SLC17A1: variants seen among roughly 807,000 people sequenced by gnomAD.
SLC17A1 encodes the protein solute carrier family 17 member 1, also known as sodium-dependent phosphate transport protein 1.
Under a neutral mutation model 53.5 loss-of-function variants are expected in SLC17A1, and 51 were observed. The ratio of observed to expected loss-of-function variants is 0.95; its 90% CI spans 0.76 to 1.20. The LOEUF (loss-of-function observed/expected upper bound fraction) is 1.20. SLC17A1 is among the 50% of genes most tolerant of loss of function. The pLI is 0.00. For missense variants in SLC17A1, 538 were observed against 568.2 expected (o/e 0.95, Z 0.54); for synonymous variants, 179 against 198.8 (o/e 0.90, Z 0.84).
At chr6:25,814,888 C>T (rs539789641) in intron 6 of SLC17A1, among the ~76,000 whole-genome samples, 5 of 151,680 alleles carry the variant, frequency 3.3e-5, no homozygotes, top group Admixed American at 2.0e-4. Flanking sequence ...CAGGGGGTTG[C>T]GGCAGGAGAA....
chr6:25,741,441 G>A, the SLC17A1 span, among the ~76,000 whole-genome samples: 1 of 143,508 alleles, frequency 7.0e-6, no homozygotes, highest in Non-Finnish European at 1.5e-5. Flanking sequence ...AAAAAAGGGC[G>A]CAGCGGGTCA....
chr6:25,759,193 G>T, the SLC17A1 span, among the ~76,000 whole-genome samples: 1 of 149,418 alleles, frequency 6.7e-6, no homozygotes, highest in Non-Finnish European at 1.5e-5. Context: ...CCTTAAATTT[G>T]TTGAGACTTG....
chr6:25,806,408 A>C (rs2151486611), intron 10 of SLC17A1, among the ~76,000 whole-genome samples: 1 of 152,198 alleles, frequency 6.6e-6, no homozygotes, highest in East Asian at 1.9e-4. Context: ...TATAGCAAAC[A>C]CAACCAACAT....
In SLC17A1 at chr6:25,830,628, G is replaced by T. The variant is rs534126241; in HGVS notation, c.-50-21C>A. ...ACCCACTGTGAGTGCAAAACACGTTGATGTCAGCATAATGTAGAGAGGCAA... is the reference window on the plus strand; with the variant it reads ...ACCCACTGTGAGTGCAAAACACGTTTATGTCAGCATAATGTAGAGAGGCAA... On this transcript the variant is annotated intron_variant, in intron 1 of 12. Coordinates refer to ENST00000244527, the MANE Select transcript of SLC17A1 (RefSeq NM_005074.5). 4 of 1,570,604 alleles carry T rather than the reference G, an allele frequency of 2.5e-6. No homozygotes were observed. In the Admixed American group the frequency reaches 6.7e-5, roughly 26 times the overall value.
At chr6:25,755,048 T>TACACACACACACAC in the SLC17A1 span, among the ~76,000 whole-genome samples, 149 of 145,052 alleles carry the variant, frequency 1.0e-3, 1 homozygote, top group African/African-American at 3.5e-3. Context: ...CACACACACA[T>TACACACACACACAC]ACACACACAC....
chr6:25,752,827 C>T, the SLC17A1 span, among the ~76,000 whole-genome samples: 2 of 152,026 alleles, frequency 1.3e-5, no homozygotes, highest in African/African-American at 2.4e-5. Flanking sequence ...TGGCAGGCGC[C>T]TGTAGTCCCA....
chr6:25,776,672 TCTC>T, the SLC17A1 span: 1 of 1,613,926 alleles, frequency 6.2e-7, no homozygotes, highest in South Asian at 1.1e-5. Flanking sequence ...CAGACTTTCT[TCTC>T]TCCAGAAAAA....
the SLC17A1 span, among the ~76,000 whole-genome samples, chr6:25,764,056 C>A: frequency 6.6e-6 from 1 of 152,170 alleles, no homozygotes; most frequent in Non-Finnish European, 1.5e-5. Flanking sequence ...ATGTGCATCA[C>A]AAAGTGGGTA....
the SLC17A1 span, among the ~76,000 whole-genome samples, chr6:25,728,879 T>A: frequency 6.6e-6 from 1 of 152,224 alleles, no homozygotes; most frequent in Non-Finnish European, 1.5e-5. Context: ...CCCACACTTT[T>A]GTGAACAGTA....
rs752659809 is a variant in SLC17A1 at position 25,804,063 on chromosome 6, C to T, written c.1179-3083G>A. ...GACAGATGCATACATCTGAATATAT[C>T]GTTAATGATTAATATCATTAATGAT... On this transcript the variant is annotated intron_variant, in intron 10 of 12. Coordinates refer to ENST00000244527, the MANE Select transcript of SLC17A1 (RefSeq NM_005074.5). Among the ~76,000 whole-genome samples, 13 of 151,984 alleles carry T rather than the reference C, an allele frequency of 8.6e-5. No individual in the cohort carries two copies. The South Asian group carries it at 1.4e-3, about 17-fold the overall frequency.
At chr6:25,730,591 G>A in the SLC17A1 span, among the ~76,000 whole-genome samples, 1 of 152,172 alleles carries the variant, frequency 6.6e-6, no homozygotes, top group Admixed American at 6.5e-5. Flanking sequence ...GCTGATTATA[G>A]TTGGTAACAA....
At chr6:25,797,564 A>T (rs1216640409) in intron 12 of SLC17A1, among the ~76,000 whole-genome samples, 1 of 151,054 alleles carries the variant, frequency 6.6e-6, no homozygotes, top group Non-Finnish European at 1.5e-5. Flanking sequence ...AAAATCTGTT[A>T]TGTCATTTAA....
At chr6:25,829,732 G>C (rs1474673408) in intron 2 of SLC17A1, among the ~76,000 whole-genome samples, 1 of 152,078 alleles carries the variant, frequency 6.6e-6, no homozygotes, top group Non-Finnish European at 1.5e-5. Flanking sequence ...CAAACTCATG[G>C]ACAGAGTAAA....
rs1352262513 is a variant in SLC17A1 at position 25,813,172 on chromosome 6, A to G, written c.658T>C (p.Phe220Leu). Residue 220 changes from phenylalanine to leucine, a missense_variant, in exon 7 of 13, where the codon TTT (phenylalanine) becomes CTT (leucine). By Grantham distance (22) the Phe-to-Leu change is conservative (BLOSUM62 0). Transcript: ENST00000244527. ...CAVCLLWFVLFYDDPKDHPCI... is the reference protein window; with the variant it reads ...CAVCLLWFVLLYDDPKDHPCI... ...GGGTGGTCTTTGGGGTCATCATAAA[A>G]CAGAACGAACCAGAGAAGACATACG... 3 of 1,614,050 alleles carry G rather than the reference A, an allele frequency of 1.9e-6. No individual in the cohort carries two copies. The highest frequency in any genetic ancestry group is 3.3e-5 in the Admixed American group (2 of 60,010).
chr6:25,778,758 A>G (rs184074728), downstream of SLC17A1, among the ~76,000 whole-genome samples: 1 of 152,346 alleles, frequency 6.6e-6, no homozygotes, highest in East Asian at 1.9e-4. Context: ...TACAATGATC[A>G]AGGAAGGACT....
chr6:25,814,491 A>T (rs947448430), intron 6 of SLC17A1, among the ~76,000 whole-genome samples: 11 of 152,240 alleles, frequency 7.2e-5, no homozygotes, highest in African/African-American at 2.7e-4. Flanking sequence ...ACCCATAAGC[A>T]TGAATTATAT....
chr6:25,773,130 C>T, the SLC17A1 span: 1 of 704,000 alleles, frequency 1.4e-6, no homozygotes, highest in Non-Finnish European at 2.5e-6. Context: ...GTACCCTCCC[C>T]CATGATAGGG....
At chr6:25,768,141 T>C in the SLC17A1 span, among the ~76,000 whole-genome samples, 1 of 152,212 alleles carries the variant, frequency 6.6e-6, no homozygotes, top group Non-Finnish European at 1.5e-5. Flanking sequence ...GGGTGGTGCA[T>C]TGGCTGGGTT....
At chr6:25,781,592 C>T (rs1428362011), downstream of SLC17A1, among the ~76,000 whole-genome samples, 2 of 152,136 alleles carry the variant, frequency 1.3e-5, no homozygotes. Context: ...CAAGATTGGG[C>T]ATCTGCATCT....
Sources: gnomAD v4.1 joint callset for allele counts (sites outside exome capture counted in the v4.1 genomes callset) on GRCh38, gnomAD v4.1.1 for gene constraint, MANE v1.5 for transcripts, NCBI Gene and HGNC (gene_info 2026-07-23, HGNC 2026-07-21) for gene names.